SHISA9: variants seen among roughly 807,000 people sequenced by gnomAD.
SHISA9 encodes the protein shisa family member 9, also known as protein shisa-9.
A neutral mutation model predicts 38.0 loss-of-function variants in SHISA9; 13 were observed. The ratio of observed to expected loss-of-function variants is 0.34; its 90% CI spans 0.22 to 0.54. The LOEUF is 0.54. Ranked by LOEUF, SHISA9 falls within the 20% of genes least tolerant of loss-of-function variation. The probability of loss-of-function intolerance (pLI) is 0.91; values close to 1 mark genes in which losing one functional copy is unlikely to be tolerated. For missense variants in SHISA9, 538 were observed against 575.8 expected (o/e 0.93, Z 0.67); for synonymous variants, 275 against 242.0 (o/e 1.14, Z -1.27).
At chr16:13,518,850 G>A in the SHISA9 span, among the ~76,000 whole-genome samples, 145 of 152,312 alleles carry the variant, frequency 9.5e-4, 4 homozygotes, top group East Asian at 0.026. Flanking sequence ...CTGTGGCGAG[G>A]GCCTTCTTGC....
chr16:12,910,694 A>C (rs1373781097), intron 1 of SHISA9: 1 of 985,334 alleles, frequency 1.0e-6, no homozygotes, highest in East Asian at 1.1e-4. Context: ...GTGGAAGGCT[A>C]TCAAGAAAAA....
intron 2 of SHISA9, among the ~76,000 whole-genome samples, chr16:13,132,761 T>C (rs2050317063): frequency 6.6e-6 from 1 of 152,168 alleles, no homozygotes; most frequent in Non-Finnish European, 1.5e-5. Flanking sequence ...ATCTTCTGAG[T>C]GAGACCCTCT....
the SHISA9 span, among the ~76,000 whole-genome samples, chr16:13,476,757 T>G: frequency 7.7e-6 from 1 of 129,866 alleles, no homozygotes; most frequent in Non-Finnish European, 1.6e-5. Context: ...TTTTTTTTTT[T>G]TTTTTTTTTG....
chr16:13,031,374 G>A (rs1567188548), intron 2 of SHISA9, among the ~76,000 whole-genome samples: 2 of 152,160 alleles, frequency 1.3e-5, no homozygotes, highest in African/African-American at 2.4e-5. Context: ...CTCTCCATGG[G>A]GTGGGTAAGT....
chr16:13,463,501 C>A, the SHISA9 span, among the ~76,000 whole-genome samples: 1 of 150,734 alleles, frequency 6.6e-6, no homozygotes, highest in Non-Finnish European at 1.5e-5. Flanking sequence ...TTCTCAGTTG[C>A]AGAAATGAAG....
chr16:13,022,493 G>A (rs956091833), intron 2 of SHISA9, among the ~76,000 whole-genome samples: 5 of 151,850 alleles, frequency 3.3e-5, no homozygotes, highest in South Asian at 2.1e-4. Flanking sequence ...CACCACACCC[G>A]GCTAATTTTT....
At chr16:13,301,326 G>A in the SHISA9 span, among the ~76,000 whole-genome samples, 3,225 of 152,330 alleles carry the variant, frequency 0.021, 53 homozygotes, top group Middle Eastern at 0.041. Flanking sequence ...CACTTGGAGA[G>A]TCTTGTTAAA....
At chr16:13,425,745 C>T in the SHISA9 span, among the ~76,000 whole-genome samples, 1 of 152,214 alleles carries the variant, frequency 6.6e-6, no homozygotes, top group Non-Finnish European at 1.5e-5. Context: ...GTTTTAACTT[C>T]CTGTTGTCCT....
rs1435619163 is a variant in SHISA9 at position 13,069,382 on chromosome 16, GC to G, written c.692-134011del. ...TGTGCATGTGTACGTGTGTGTACAT[GC>G]AATGTGTATGTGTGTACATACAATG... is the stretch of plus-strand genomic sequence containing the variant. On this transcript the variant is annotated intron_variant, in intron 2 of 4. Transcript: ENST00000558583. 1.0e-3 allele frequency among the ~76,000 whole-genome samples: 158 copies of G among 152,230 alleles called. 2 individuals are homozygous for G. The highest frequency in any genetic ancestry group is 1.8e-3 in the Non-Finnish European group (120 of 67,992).
At chr16:12,935,854 G>GA (rs11428944) in intron 2 of SHISA9, among the ~76,000 whole-genome samples, 105,764 of 135,010 alleles carry the variant, frequency 0.78, 41,218 homozygotes, top group East Asian at 0.92. Context: ...GTCTCAAAAA[G>GA]AAAAAAAAAA....
chr16:13,339,370 C>A, the SHISA9 span, among the ~76,000 whole-genome samples: 2 of 152,018 alleles, frequency 1.3e-5, no homozygotes, highest in African/African-American at 4.8e-5. Flanking sequence ...GTTTTCATAT[C>A]CTAATAGCAA....
At chr16:13,451,380 C>T in the SHISA9 span, among the ~76,000 whole-genome samples, 5 of 152,216 alleles carry the variant, frequency 3.3e-5, no homozygotes, top group African/African-American at 1.2e-4. Context: ...ACACATCTAT[C>T]AGGTACCTAT....
In SHISA9 at chr16:12,928,754, A is replaced by G. The variant is rs756538939; in HGVS notation, c.691+11939A>G. 1.1e-4 allele frequency among the ~76,000 whole-genome samples: 17 copies of G among 152,364 alleles called. No homozygotes were observed. The Middle Eastern group carries it at 0.014, about 122-fold the overall frequency. On this transcript the variant is annotated intron_variant, in intron 2 of 4. Transcript: ENST00000558583. ...TGTGGTATTTACTTTCCTTTATTGA[A>G]TAGCAACAAGGAATGGAAGAAGCTC...
chr16:13,172,715 T>A (rs1324441914), intron 2 of SHISA9, among the ~76,000 whole-genome samples: 1 of 151,852 alleles, frequency 6.6e-6, no homozygotes, highest in African/African-American at 2.4e-5. Flanking sequence ...ATCATATGAC[T>A]TAATTACAAT....
intron 2 of SHISA9, among the ~76,000 whole-genome samples, chr16:12,954,963 C>T (rs978977030): frequency 3.3e-5 from 5 of 152,082 alleles, no homozygotes; most frequent in African/African-American, 1.2e-4. Context: ...GACAGTTCCA[C>T]ACAATATTAT....
chr16:13,098,871 G>C (rs537087774), intron 2 of SHISA9, among the ~76,000 whole-genome samples: 1 of 152,324 alleles, frequency 6.6e-6, no homozygotes, highest in East Asian at 1.9e-4. Flanking sequence ...AACCCCCTTT[G>C]TCTCTCTGAG....
intron 2 of SHISA9, among the ~76,000 whole-genome samples, chr16:13,197,108 C>T (rs199978009): frequency 1.6e-3 from 78 of 47,894 alleles, no homozygotes; most frequent in African/African-American, 5.4e-3. Flanking sequence ...TGTACATACA[C>T]ACACACACAC....
chr16:12,931,849 C>G (rs2071465397), intron 2 of SHISA9, among the ~76,000 whole-genome samples: 1 of 152,150 alleles, frequency 6.6e-6, no homozygotes, highest in Non-Finnish European at 1.5e-5. Flanking sequence ...GAGGCATACT[C>G]AGGGTAAAAG....
chr16:13,522,912 A>G, the SHISA9 span, among the ~76,000 whole-genome samples: 1 of 152,208 alleles, frequency 6.6e-6, no homozygotes, highest in Non-Finnish European at 1.5e-5. Flanking sequence ...TATTACAGGT[A>G]TGGACAGAGA....
Sources: allele counts gnomAD v4.1 joint callset (sites outside exome capture counted in the v4.1 genomes callset), GRCh38; gene constraint gnomAD v4.1.1; transcripts MANE v1.5; gene names NCBI Gene and HGNC (gene_info 2026-07-23, HGNC 2026-07-21).